FBXW7: variants seen among roughly 807,000 people sequenced by gnomAD.
The protein encoded by FBXW7 is F-box and WD repeat domain containing 7.
In FBXW7, 11 loss-of-function variants were observed where a neutral mutation model predicts 86.3. That is an observed-to-expected ratio of 0.13 (90% CI 0.08 to 0.21). FBXW7 has a LOEUF of 0.21. FBXW7 is among the 10% of genes least tolerant of loss of function. The probability of loss-of-function intolerance (pLI) is 1.00; values close to 1 mark genes in which losing one functional copy is unlikely to be tolerated. For synonymous variants in FBXW7, 313 were observed against 297.9 expected, an observed-to-expected ratio of 1.05 and a Z score of -0.52; for missense variants, 488 against 847.4, an observed-to-expected ratio of 0.58 and a Z score of 5.27.
intron 6 of FBXW7, among the ~76,000 whole-genome samples, chr4:152,340,106 GA>G (rs1441350899): frequency 1.1e-4 from 16 of 151,728 alleles, no homozygotes; most frequent in Non-Finnish European, 2.9e-5. Flanking sequence ...AAAGTACATG[GA>G]AAAAAATTAT....
intron 4 of FBXW7, among the ~76,000 whole-genome samples, chr4:152,373,043 G>A (rs933902002): frequency 6.6e-6 from 1 of 151,866 alleles, no homozygotes; most frequent in Non-Finnish European, 1.5e-5. Context: ...AAGATTATAT[G>A]GCAAAAGTTA....
chr4:152,337,497 A>G (rs958299622), intron 7 of FBXW7, among the ~76,000 whole-genome samples: 2 of 152,060 alleles, frequency 1.3e-5, no homozygotes, highest in Non-Finnish European at 2.9e-5. Context: ...TGGGCTTCAA[A>G]TAACTTGACA....
At chr4:152,422,755 C>T (rs1739056639) in intron 2 of FBXW7, among the ~76,000 whole-genome samples, 1 of 152,106 alleles carries the variant, frequency 6.6e-6, no homozygotes, top group African/African-American at 2.4e-5. Context: ...CAGTCATAGC[C>T]CCTTCCCTTC....
intron 2 of FBXW7, among the ~76,000 whole-genome samples, chr4:152,455,698 T>G (rs1742335607): frequency 6.6e-6 from 1 of 152,230 alleles, no homozygotes; most frequent in African/African-American, 2.4e-5. Flanking sequence ...GGTAAGAAAT[T>G]ACTATAAACT....
At chr4:152,459,919 A>G (rs1370367653) in intron 2 of FBXW7, among the ~76,000 whole-genome samples, 5 of 152,218 alleles carry the variant, frequency 3.3e-5, no homozygotes, top group Admixed American at 2.6e-4. Context: ...GGACTACTAT[A>G]TATGAAATAC....
At chr4:152,414,199 C>T (rs77530328) in intron 2 of FBXW7, among the ~76,000 whole-genome samples, 2,083 of 152,268 alleles carry the variant, frequency 0.014, 26 homozygotes, top group Middle Eastern at 0.037. Flanking sequence ...GTTTCTTTAA[C>T]ACACATTAGT....
chr4:152,427,998 G>C (rs868701298), intron 2 of FBXW7, among the ~76,000 whole-genome samples: 15 of 152,136 alleles, frequency 9.9e-5, no homozygotes, highest in African/African-American at 3.6e-4. Flanking sequence ...CCTGACCTTT[G>C]AGAGGTTAGA....
chr4:152,534,367 T>A (rs1398918065), intron 2 of FBXW7, among the ~76,000 whole-genome samples: 2 of 152,196 alleles, frequency 1.3e-5, no homozygotes, highest in African/African-American at 2.4e-5. Flanking sequence ...CTCAAGTTCC[T>A]GAGTAACTGA....
At chr4:152,517,225 T>A (rs554723974) in intron 2 of FBXW7, among the ~76,000 whole-genome samples, 1 of 152,274 alleles carries the variant, frequency 6.6e-6, no homozygotes, top group East Asian at 1.9e-4. Flanking sequence ...GTGGTTTTTT[T>A]AAAAAAGTTA....
intron 4 of FBXW7, among the ~76,000 whole-genome samples, chr4:152,391,155 GATTT>G (rs1209062279): frequency 6.6e-6 from 1 of 151,970 alleles, no homozygotes; most frequent in East Asian, 1.9e-4. Context: ...AAGTATGTGA[GATTT>G]ATTAATATTA....
chr4:152,479,157 T>A (rs1023097734), intron 2 of FBXW7, among the ~76,000 whole-genome samples: 1 of 152,120 alleles, frequency 6.6e-6, no homozygotes, highest in African/African-American at 2.4e-5. Context: ...TAAGCTGAGC[T>A]TTCATCAATG....
intron 4 of FBXW7, among the ~76,000 whole-genome samples, chr4:152,364,871 C>A (rs1478172576): frequency 2.0e-5 from 3 of 152,178 alleles, no homozygotes; most frequent in African/African-American, 7.2e-5. Context: ...TACATAATTA[C>A]AACACATGCA....
At chr4:152,436,947 T>C (rs1740436441) in intron 2 of FBXW7, among the ~76,000 whole-genome samples, 1 of 152,220 alleles carries the variant, frequency 6.6e-6, no homozygotes, top group African/African-American at 2.4e-5. Flanking sequence ...GAGATGTACA[T>C]GGAGATTCAT....
At chr4:152,484,958 T>C (rs927780103) in intron 2 of FBXW7, among the ~76,000 whole-genome samples, 32 of 101,738 alleles carry the variant, frequency 3.1e-4, no homozygotes, top group Admixed American at 5.0e-4. Flanking sequence ...CGAGACTCTG[T>C]CTCAAAAAAA....
In FBXW7 at chr4:152,406,952, G is replaced by A. The variant is rs376893775; in HGVS notation, c.501+4351C>T. Among the ~76,000 whole-genome samples the A allele has an allele frequency of 9.2e-5, 14 of 152,206 alleles. No individual in the cohort carries two copies. In the East Asian group the frequency reaches 1.7e-3, roughly 19 times the overall value. On this transcript the variant is annotated intron_variant, in intron 4 of 13. Transcript: ENST00000281708. ...GGATTTGGGGTAAGGCACAGGAGAC[G>A]GAAAAAATGAGGTCACAAGGCCGAT...
intron 2 of FBXW7, among the ~76,000 whole-genome samples, chr4:152,455,185 T>A (rs945160484): frequency 6.6e-6 from 1 of 152,198 alleles, no homozygotes; most frequent in Non-Finnish European, 1.5e-5. Flanking sequence ...GTCACTTTAA[T>A]TAAAACTACT....
At chr4:152,425,252 G>A (rs867244843) in intron 2 of FBXW7, among the ~76,000 whole-genome samples, 7 of 152,254 alleles carry the variant, frequency 4.6e-5, no homozygotes, top group Middle Eastern at 6.8e-3. Context: ...AGTTGCATGT[G>A]GCCTCTCTTG....
chr4:152,411,480 T>C lies in FBXW7; in HGVS notation c.324A>G (p.Gln108=), dbSNP rs1369866911. The C allele has an allele frequency of 6.2e-7, 1 of 1,613,610 alleles. No homozygotes were observed. Among genetic ancestry groups the C allele is most frequent in the South Asian group, 1.1e-5 (1 of 90,998 alleles). ...CCTCCTCCTCCTCATCCTCCTCATC[T>C]TGTTCACCAGCATGTTCTTCATCTT... ...QEEDEEHAGE[Q]DEEDEEEEEM... The change falls in exon 4 of 14, where the codon CAA becomes CAG. Residue 108 remains glutamine, a synonymous_variant. Coordinates refer to ENST00000281708, the MANE Select transcript of FBXW7 (RefSeq NM_001349798.2).
chr4:152,444,516 A>C (rs1741197912), intron 2 of FBXW7, among the ~76,000 whole-genome samples: 1 of 152,172 alleles, frequency 6.6e-6, no homozygotes, highest in African/African-American at 2.4e-5. Flanking sequence ...TTTAATCCTA[A>C]ACAAGTTCCT....
Sources: allele counts gnomAD v4.1 joint callset (sites outside exome capture counted in the v4.1 genomes callset), GRCh38; gene constraint gnomAD v4.1.1; transcripts MANE v1.5; gene names NCBI Gene and HGNC (gene_info 2026-07-23, HGNC 2026-07-21).